The following THSD7A variants were observed in gnomAD, a reference collection of about 807,000 sequenced individuals.
The protein encoded by THSD7A is thrombospondin type-1 domain-containing protein 7A.
A neutral mutation model predicts 231.3 loss-of-function variants in THSD7A; 96 were observed. The observed-to-expected ratio is 0.41, with a 90% CI of 0.35 to 0.49. The LOEUF (loss-of-function observed/expected upper bound fraction) is 0.49. THSD7A is among the 20% of genes least tolerant of loss of function. THSD7A has a pLI of 0.05. For missense variants in THSD7A, 2,290 were observed against 2,070.2 expected, an observed-to-expected ratio of 1.11 and a Z score of -2.06; for synonymous variants, 940 against 743.3, an observed-to-expected ratio of 1.26 and a Z score of -4.30.
In THSD7A at chr7:11,473,472, C is replaced by A. The variant is rs145011841; in HGVS notation, c.2252+862G>T. Among the ~76,000 whole-genome samples the A allele has an allele frequency of 7.5e-3, 1,140 of 152,182 alleles. 6 individuals are homozygous for A. The highest frequency in any genetic ancestry group is 0.014 in the Middle Eastern group (4 of 292). ...GGCTGAGTATTTAGTAAATATGAGG[C>A]CACTTTTAAACCCATGCAAAAATCG... On this transcript the variant is annotated intron_variant, in intron 8 of 27. Transcript: ENST00000423059.
chr7:11,737,023 T>C (rs369401409), intron 1 of THSD7A, among the ~76,000 whole-genome samples: 17 of 152,126 alleles, frequency 1.1e-4, no homozygotes, highest in African/African-American at 3.9e-4. Flanking sequence ...AAGGACATGT[T>C]TGCTTTCCCT....
At chr7:11,593,119 T>A in intron 3 of THSD7A, 135 bp downstream of exon 3, 1 of 1,269,410 alleles carries the variant, frequency 7.9e-7, no homozygotes, top group South Asian at 1.6e-5. Context: ...AAAAAAAGTT[T>A]TTTTTAAGGA....
At chr7:11,520,982 CA>C (rs1788237277) in intron 6 of THSD7A, among the ~76,000 whole-genome samples, 1 of 152,168 alleles carries the variant, frequency 6.6e-6, no homozygotes, top group Non-Finnish European at 1.5e-5. Context: ...TATAGGAAAT[CA>C]GAACGCTGAC....
At chr7:11,647,370 G>A (rs188824965) in intron 1 of THSD7A, among the ~76,000 whole-genome samples, 6 of 152,000 alleles carry the variant, frequency 3.9e-5, no homozygotes, top group South Asian at 2.1e-4. Flanking sequence ...GTTTTAACCC[G>A]TATGTCTTGG....
intron 22 of THSD7A, among the ~76,000 whole-genome samples, chr7:11,402,793 G>T (rs1185229662): frequency 1.3e-5 from 2 of 152,110 alleles, no homozygotes; most frequent in Non-Finnish European, 2.9e-5. Flanking sequence ...CATTTATGAA[G>T]TTCTAATTTC....
At chr7:11,409,008 C>T (rs1783684899) in intron 19 of THSD7A, among the ~76,000 whole-genome samples, 1 of 152,164 alleles carries the variant, frequency 6.6e-6, no homozygotes, top group Non-Finnish European at 1.5e-5. Flanking sequence ...ACTTACATAT[C>T]CACCACTTAC....
intron 15 of THSD7A, among the ~76,000 whole-genome samples, chr7:11,425,206 T>C (rs1784279422): frequency 6.6e-6 from 1 of 152,148 alleles, no homozygotes; most frequent in Non-Finnish European, 1.5e-5. Context: ...AGGTACTCAA[T>C]AGGGATTTGC....
intron 1 of THSD7A, among the ~76,000 whole-genome samples, chr7:11,642,387 A>G (rs543484604): frequency 3.2e-4 from 48 of 152,292 alleles, no homozygotes; most frequent in African/African-American, 1.1e-3. Flanking sequence ...AAGGACAGGC[A>G]GCTTTCCATT....
chr7:11,720,110 G>A (rs766883253), intron 1 of THSD7A, among the ~76,000 whole-genome samples: 9 of 151,640 alleles, frequency 5.9e-5, no homozygotes, highest in Non-Finnish European at 1.2e-4. Flanking sequence ...ACAGGGGTAC[G>A]ATATAAATAC....
At chr7:11,699,935 C>A (rs1426303042) in intron 1 of THSD7A, among the ~76,000 whole-genome samples, 2 of 151,110 alleles carry the variant, frequency 1.3e-5, no homozygotes, top group African/African-American at 2.4e-5. Flanking sequence ...TTACCCTGGA[C>A]GAAATCTAAA....
At chr7:11,769,137 ATATATATATATATATATTTT>A (rs1320775885) in intron 1 of THSD7A, among the ~76,000 whole-genome samples, 3 of 36,636 alleles carry the variant, frequency 8.2e-5, no homozygotes, top group Non-Finnish European at 1.3e-4. Context: ...ATATATATAT[ATATATATATATATATATTTT>A]TTTTTTTTTT....
In THSD7A at chr7:11,375,691, A is replaced by T; in HGVS notation, c.*103T>A. On this transcript the variant is annotated 3_prime_UTR_variant, in exon 28 of 28. Coordinates refer to ENST00000423059, the MANE Select transcript of THSD7A (RefSeq NM_015204.3). ...CTTTATGATGCCATTTTTAAAAATT[A>T]AAATATATTTTAATCCACACAGTTT... The T allele has an allele frequency of 1.0e-6, 1 of 963,202 alleles. No homozygotes were observed. Among genetic ancestry groups the T allele is most frequent in the Non-Finnish European group, 1.6e-6 (1 of 630,626 alleles). 59.7% of individuals were successfully genotyped at this position (963,202 alleles called of 1,614,324 possible).
intron 1 of THSD7A, among the ~76,000 whole-genome samples, chr7:11,719,080 G>A (rs1655216919): frequency 6.6e-6 from 1 of 151,580 alleles, no homozygotes; most frequent in African/African-American, 2.4e-5. Context: ...GCTCATGTGT[G>A]TTTTTCTTAA....
chr7:11,478,509 C>G (rs564655695), intron 7 of THSD7A, among the ~76,000 whole-genome samples: 96 of 152,152 alleles, frequency 6.3e-4, no homozygotes, highest in African/African-American at 2.1e-3. Flanking sequence ...AGATGCCCAG[C>G]TGCTTGGCTT....
At chr7:11,598,471 G>A (rs923964882) in intron 2 of THSD7A, among the ~76,000 whole-genome samples, 29 of 152,162 alleles carry the variant, frequency 1.9e-4, no homozygotes, top group African/African-American at 6.5e-4. Flanking sequence ...GGCCATAGTG[G>A]CACAGATGGA....
intron 1 of THSD7A, among the ~76,000 whole-genome samples, chr7:11,699,935 C>T (rs1426303042): frequency 2.6e-5 from 4 of 151,110 alleles, no homozygotes; most frequent in Non-Finnish European, 5.9e-5. Flanking sequence ...TTACCCTGGA[C>T]GAAATCTAAA....
intron 6 of THSD7A, among the ~76,000 whole-genome samples, chr7:11,499,899 G>A (rs962755196): frequency 3.3e-5 from 5 of 152,136 alleles, no homozygotes; most frequent in African/African-American, 1.2e-4. Flanking sequence ...ATATATTTCA[G>A]GATATTGTCA....
intron 1 of THSD7A, chr7:11,821,408 T>TC (rs1784869572): frequency 8.7e-6 from 3 of 343,186 alleles, no homozygotes; most frequent in Non-Finnish European, 1.1e-5. Flanking sequence ...CCCTTTTTTT[T>TC]TCTTTTATTT....
intron 11 of THSD7A, among the ~76,000 whole-genome samples, chr7:11,454,380 T>C (rs1224026067): frequency 1.3e-5 from 2 of 151,912 alleles, no homozygotes; most frequent in Non-Finnish European, 2.9e-5. Context: ...TTCTCATTTT[T>C]TTAATGAGAA....
Sources: allele counts gnomAD v4.1 joint callset (sites outside exome capture counted in the v4.1 genomes callset), GRCh38; gene constraint gnomAD v4.1.1; transcripts MANE v1.5; gene names NCBI Gene and HGNC (gene_info 2026-07-23, HGNC 2026-07-21).